The following BTBD2 variants were observed in gnomAD, a reference collection of about 807,000 sequenced individuals.
BTBD2 encodes BTB/POZ domain-containing protein 2.
Under a neutral mutation model 44.0 loss-of-function variants are expected in BTBD2, and 15 were observed. That is an observed-to-expected ratio of 0.34 (90% CI 0.23 to 0.53). The LOEUF (loss-of-function observed/expected upper bound fraction) is 0.53. Among genes scored for constraint, BTBD2 ranks in the 20% least tolerant of loss-of-function variants. BTBD2 has a pLI of 0.95. For synonymous variants in BTBD2, 443 were observed against 335.9 expected (o/e 1.32, Z -3.49); for missense variants, 657 against 746.4 (o/e 0.88, Z 1.39).
chr19:2,007,548 G>A (rs142263875), intron 1 of BTBD2, among the ~76,000 whole-genome samples: 9 of 152,164 alleles, frequency 5.9e-5, no homozygotes, highest in African/African-American at 1.4e-4. Context: ...AGATCTTCCC[G>A]CCTTAGGCCA....
intron 1 of BTBD2, among the ~76,000 whole-genome samples, chr19:2,009,478 G>A (rs900625771): frequency 1.3e-5 from 2 of 151,864 alleles, no homozygotes; most frequent in Admixed American, 6.6e-5. Flanking sequence ...GATTACAGGC[G>A]TGAGCCACCA....
At chr19:2,010,455 C>T (rs2016450395) in intron 1 of BTBD2, among the ~76,000 whole-genome samples, 1 of 152,146 alleles carries the variant, frequency 6.6e-6, no homozygotes, top group Non-Finnish European at 1.5e-5. Flanking sequence ...ACACTGGGGC[C>T]ACCACCAAGG....
At chr19:2,012,441 C>T (rs2016478923) in intron 1 of BTBD2, among the ~76,000 whole-genome samples, 1 of 152,240 alleles carries the variant, frequency 6.6e-6, no homozygotes, top group Non-Finnish European at 1.5e-5. Context: ...TGCGCCCCCG[C>T]ACCCGGCCCC....
intron 2 of BTBD2, among the ~76,000 whole-genome samples, chr19:1,993,929 A>G (rs1033191718): frequency 6.7e-5 from 9 of 134,284 alleles, no homozygotes; most frequent in African/African-American, 1.9e-4. Context: ...CCTGGGAGGC[A>G]GATGTTGCAG....
intron 1 of BTBD2, among the ~76,000 whole-genome samples, chr19:2,007,084 C>T (rs535405285): frequency 2.8e-4 from 43 of 152,144 alleles, no homozygotes; most frequent in African/African-American, 9.6e-4. Flanking sequence ...TCTTGAACTC[C>T]TGACCTCATG....
At chr19:2,002,861 A>C (rs1168687872) in intron 1 of BTBD2, 1 of 142,448 alleles carries the variant, frequency 7.0e-6, no homozygotes, top group Middle Eastern at 3.6e-3. Context: ...TGGGCGACAG[A>C]GTGAGACTCC....
chr19:1,995,276 ATTCTTT>A (rs746730220), intron 2 of BTBD2, among the ~76,000 whole-genome samples: 2 of 99,022 alleles, frequency 2.0e-5, no homozygotes, highest in African/African-American at 9.3e-5. Flanking sequence ...CATACTTTGG[ATTCTTT>A]TTTTTTTTTT....
At chr19:1,997,983 G>A (rs1286122073) in intron 1 of BTBD2, among the ~76,000 whole-genome samples, 1 of 152,014 alleles carries the variant, frequency 6.6e-6, no homozygotes, top group Admixed American at 6.6e-5. Context: ...ATCCACACAT[G>A]CATTCATTGA....
Position 2,002,382 on chromosome 19 carries a change from G to A in BTBD2, c.408-4919C>T, listed in dbSNP as rs77390891. 8.9e-3 allele frequency among the ~76,000 whole-genome samples: 1,354 copies of A among 152,322 alleles called. 14 individuals carry two copies. Among genetic ancestry groups the A allele is most frequent in the African/African-American group, 0.03 (1,263 of 41,570 alleles). ...AGGCAAACTGATAACTGTATTTCTC[G>A]AAGTTCTGTAAGCTGTTATGGCTAA... On this transcript the variant is annotated intron_variant, in intron 1 of 8. Coordinates refer to ENST00000255608, the MANE Select transcript of BTBD2 (RefSeq NM_017797.4).
intron 2 of BTBD2, among the ~76,000 whole-genome samples, chr19:1,996,500 T>A (rs2016252778): frequency 6.6e-6 from 1 of 150,612 alleles, no homozygotes; most frequent in Non-Finnish European, 1.5e-5. Flanking sequence ...GTTGTTGTTA[T>A]TTTTTGTTTG....
At chr19:2,010,813 AT>A (rs1275900422) in intron 1 of BTBD2, among the ~76,000 whole-genome samples, 3 of 151,924 alleles carry the variant, frequency 2.0e-5, no homozygotes, top group African/African-American at 7.3e-5. Flanking sequence ...TTATTTGTGT[AT>A]TTTTAGTAGA....
Position 1,987,597 on chromosome 19 carries a change from G to C in BTBD2, c.1084C>G (p.Arg362Gly). The change falls in exon 6 of 9, where the codon CGG becomes GGG. Residue 362 changes from arginine to glycine, a missense_variant. Coordinates refer to ENST00000255608, the MANE Select transcript of BTBD2 (RefSeq NM_017797.4). Reference sequence around the variant, plus strand: ...TTCCCACGCAGGCAGCAGCGGGGCCGGTCAATGAACTCCACTCGTGGCTTG... The same window carrying C: ...TTCCCACGCAGGCAGCAGCGGGGCCCGTCAATGAACTCCACTCGTGGCTTG... ...NPKPRVEFID[R>G]PRCCLRGKEC... 6.2e-7 allele frequency: 1 copy of C among 1,612,678 alleles called. No individual in the cohort carries two copies. Among genetic ancestry groups the C allele is most frequent in the Non-Finnish European group, 8.5e-7 (1 of 1,179,684 alleles).
At chr19:1,999,833 G>C (rs1005401770) in intron 1 of BTBD2, among the ~76,000 whole-genome samples, 2 of 151,824 alleles carry the variant, frequency 1.3e-5, no homozygotes, top group African/African-American at 2.4e-5. Context: ...GTGGTGGTGG[G>C]TGCCTGTAAT....
intron 4 of BTBD2, 85 bp from the exon 5 acceptor site, chr19:1,990,286 C>T: frequency 1.4e-6 from 2 of 1,451,356 alleles, no homozygotes; most frequent in Non-Finnish European, 9.3e-7. Context: ...TGAGGACCAG[C>T]AGTTAAAGCC....
chr19:2,012,310 G>A (rs537182867), intron 1 of BTBD2, among the ~76,000 whole-genome samples: 19 of 149,454 alleles, frequency 1.3e-4, no homozygotes, highest in Admixed American at 2.0e-4. Flanking sequence ...GCGCCACCAC[G>A]CCCGGCTAAT....
In BTBD2 at chr19:2,013,619, G is replaced by A. The variant is rs549417232; in HGVS notation, c.407+1678C>T. The A allele has an allele frequency of 4.2e-5, 42 of 988,700 alleles. No homozygotes were observed. The East Asian group carries it at 4.2e-3, about 98-fold the overall frequency. The allele number at this position is 988,700 out of a possible 1,614,324, so 61.2% of individuals were successfully genotyped here. ...GTGGGTGGTCACTGAAGTGGGAGGT[G>A]GCAGGGCCCAGGGGTCTCTGGCTGA... is the stretch of plus-strand genomic sequence containing the variant. On this transcript the variant is annotated intron_variant, in intron 1 of 8. Transcript: ENST00000255608.
rs1246832550 is a variant in BTBD2 at position 2,001,113 on chromosome 19, G to C, written c.408-3650C>G. Among the ~76,000 whole-genome samples the C allele has an allele frequency of 5.3e-5, 8 of 152,160 alleles. No homozygotes were observed. The East Asian group carries it at 1.3e-3, about 26-fold the overall frequency. On this transcript the variant is annotated intron_variant, in intron 1 of 8. Transcript: ENST00000255608. The stretch of plus-strand genomic sequence containing the variant: ...AGCCTGGCCAACATGGTGAAACCCT[G>C]TCTCTATGAAAAATACAAAAATTAG...
intron 2 of BTBD2, among the ~76,000 whole-genome samples, chr19:1,995,749 G>T (rs1272641709): frequency 1.3e-5 from 2 of 150,366 alleles, no homozygotes; most frequent in South Asian, 4.2e-4. Context: ...CCATTCTCCT[G>T]CCTCAGCCTC....
At position 1,986,092 on chromosome 19, in the gene BTBD2, GAAATGGGAATCGC is replaced by G. The variant is rs2016075413; in HGVS notation, c.*383_*395del. 5.1e-6 allele frequency: 1 copy of G among 196,546 alleles called. No individual in the cohort carries two copies. Among genetic ancestry groups the G allele is most frequent in the Non-Finnish European group, 1.0e-5 (1 of 96,006 alleles). 12.2% of individuals were successfully genotyped at this position (196,546 alleles called of 1,614,324 possible). Reference sequence around the variant, plus strand: ...GCCACCCAGGCTGGCTCCTAGCAGAGAAATGGGAATCGCAAATGCATTGCAATGTGCAGTGAAG... The same window carrying G: ...GCCACCCAGGCTGGCTCCTAGCAGAGAAATGCATTGCAATGTGCAGTGAAG... On this transcript the variant is annotated 3_prime_UTR_variant, in exon 9 of 9. Transcript: ENST00000255608.
Sources: allele counts gnomAD v4.1 joint callset (sites outside exome capture counted in the v4.1 genomes callset), GRCh38; gene constraint gnomAD v4.1.1; transcripts MANE v1.5; gene names NCBI Gene and HGNC (gene_info 2026-07-23, HGNC 2026-07-21).